The following SLC35E2B variants were observed in gnomAD, a reference collection of about 807,000 sequenced individuals.
The protein encoded by SLC35E2B is solute carrier family 35 member E2B.
Under a neutral mutation model 32.4 loss-of-function variants are expected in SLC35E2B, and 18 were observed. The observed-to-expected ratio is 0.56, with a 90% CI of 0.38 to 0.82. SLC35E2B has a LOEUF of 0.82. Among genes scored for constraint, SLC35E2B ranks in the 40% least tolerant of loss-of-function variants. The pLI, the probability that SLC35E2B is intolerant of heterozygous loss-of-function variation, is 0.00. For missense variants in SLC35E2B, 263 were observed against 469.5 expected (o/e 0.56, Z 4.06); for synonymous variants, 132 against 209.1 (o/e 0.63, Z 3.18).
At chr1:1,684,819 A>C (rs2101116083) in intron 2 of SLC35E2B, among the ~76,000 whole-genome samples, 1 of 138,776 alleles carries the variant, frequency 7.2e-6, no homozygotes, top group East Asian at 2.2e-4. Flanking sequence ...AAAAAACAGG[A>C]CAGCCAGCGG....
chr1:1,684,097 G>A (rs1389746028), intron 2 of SLC35E2B, among the ~76,000 whole-genome samples: 2 of 152,112 alleles, frequency 1.3e-5, no homozygotes, highest in Admixed American at 6.6e-5. Flanking sequence ...CCCGTGGGCC[G>A]CAGGGTAGAC....
intron 2 of SLC35E2B, among the ~76,000 whole-genome samples, chr1:1,683,066 G>C (rs918776406): frequency 2.0e-5 from 3 of 152,002 alleles, no homozygotes; most frequent in African/African-American, 7.3e-5. Context: ...GACAGAGCGA[G>C]ACTCTGTCTC....
chr1:1,675,263 G>A (rs1469967253), intron 5 of SLC35E2B, among the ~76,000 whole-genome samples, 200 bp downstream of exon 5: 6 of 150,088 alleles, frequency 4.0e-5, no homozygotes, highest in Non-Finnish European at 8.9e-5. Flanking sequence ...GCATGCCAGT[G>A]TGAGAATACC....
rs146214097 is a variant in SLC35E2B, at chr1:1,687,162, C to T, written c.-148+3814G>A. Among the ~76,000 whole-genome samples the T allele has an allele frequency of 2.7e-3, 411 of 152,292 alleles. 3 individuals are homozygous for T. Among genetic ancestry groups the T allele is most frequent in the African/African-American group, 9.1e-3 (379 of 41,548 alleles). On this transcript the variant is annotated intron_variant, in intron 2 of 9. Transcript: ENST00000617444. ...TCGGGCCCGAGCGCACAGGCTTGAACGGATGGGCGGACGGGCGACACGCAC... is the reference window on the plus strand; with the variant it reads ...TCGGGCCCGAGCGCACAGGCTTGAATGGATGGGCGGACGGGCGACACGCAC...
intron 5 of SLC35E2B, 127 bp from the exon 6 acceptor site, chr1:1,671,756 G>A: frequency 2.0e-6 from 2 of 1,025,578 alleles, no homozygotes; most frequent in Non-Finnish European, 2.7e-6. Context: ...AACAATACTT[G>A]TCAGTTTCTT....
chr1:1,677,903 G>T (rs1262486353), intron 2 of SLC35E2B, among the ~76,000 whole-genome samples: 1 of 151,708 alleles, frequency 6.6e-6, no homozygotes, highest in Non-Finnish European at 1.5e-5. Flanking sequence ...GGTCCAGTGG[G>T]AATCATCCCC....
intron 2 of SLC35E2B, among the ~76,000 whole-genome samples, chr1:1,684,357 C>T (rs1397056666): frequency 6.6e-6 from 1 of 152,186 alleles, no homozygotes; most frequent in Non-Finnish European, 1.5e-5. Flanking sequence ...CTCAGGGCAG[C>T]GTTTCTGCTG....
intron 5 of SLC35E2B, chr1:1,672,598 C>T (rs1319231923): frequency 1.3e-5 from 2 of 152,246 alleles, no homozygotes; most frequent in Non-Finnish European, 2.9e-5. Context: ...GGAGGGCTTG[C>T]TGCTGCTGTT....
intron 6 of SLC35E2B, 79 bp from the exon 7 acceptor site, chr1:1,670,230 C>G: frequency 9.3e-7 from 1 of 1,074,690 alleles, no homozygotes; most frequent in South Asian, 1.4e-5. Context: ...TCTGCGCTCA[C>G]ACGGAGCGAT....
intron 2 of SLC35E2B, among the ~76,000 whole-genome samples, chr1:1,679,030 A>G (rs1388230961): frequency 2.6e-5 from 4 of 152,080 alleles, no homozygotes; most frequent in Non-Finnish European, 5.9e-5. Context: ...TCCCCACCTC[A>G]CTAGGCCTCA....
At chr1:1,687,511 G>A (rs752401269) in intron 2 of SLC35E2B, among the ~76,000 whole-genome samples, 29 of 152,194 alleles carry the variant, frequency 1.9e-4, no homozygotes, top group Non-Finnish European at 3.2e-4. Context: ...AGGCCGAGAC[G>A]GGCAGATCAT....
At chr1:1,677,795 T>C (rs978352014) in intron 2 of SLC35E2B, among the ~76,000 whole-genome samples, 3 of 151,906 alleles carry the variant, frequency 2.0e-5, no homozygotes, top group Non-Finnish European at 2.9e-5. Context: ...AAACCACACT[T>C]ACACCCGCTT....
At chr1:1,672,015 G>C (rs7552375) in intron 5 of SLC35E2B, 16,075 of 164,172 alleles carry the variant, frequency 0.098, 2,797 homozygotes, top group African/African-American at 0.36. Flanking sequence ...TGCCCACATT[G>C]AATTTATGCT....
chr1:1,683,535 G>A (rs1317840937), intron 2 of SLC35E2B, among the ~76,000 whole-genome samples: 2 of 152,166 alleles, frequency 1.3e-5, no homozygotes, highest in East Asian at 3.8e-4. Flanking sequence ...GCCACCCCCT[G>A]CCCCCAGCAC....
intron 2 of SLC35E2B, among the ~76,000 whole-genome samples, chr1:1,681,655 C>T (rs1326389616): frequency 7.3e-5 from 11 of 151,488 alleles, no homozygotes; most frequent in East Asian, 2.0e-4. Context: ...TATAGGCATG[C>T]GCCACCAAGC....
intron 2 of SLC35E2B, among the ~76,000 whole-genome samples, chr1:1,685,083 G>C (rs534651819): frequency 6.6e-6 from 1 of 150,832 alleles, no homozygotes; most frequent in South Asian, 2.1e-4. Flanking sequence ...CTCCAGCCTG[G>C]GCAACAAGAG....
intron 2 of SLC35E2B, among the ~76,000 whole-genome samples, chr1:1,682,557 G>T (rs1402199264): frequency 6.6e-6 from 1 of 152,092 alleles, no homozygotes; most frequent in African/African-American, 2.4e-5. Flanking sequence ...TCCACCATGC[G>T]CTGTCAGCTG....
intron 2 of SLC35E2B, among the ~76,000 whole-genome samples, chr1:1,678,807 T>TGGAGC (rs1643875474): frequency 6.6e-6 from 1 of 152,168 alleles, no homozygotes; most frequent in Non-Finnish European, 1.5e-5. Context: ...GCAGCCTCCC[T>TGGAGC]GGAGCTAGGA....
chr1:1,682,123 G>T (rs546654387), intron 2 of SLC35E2B, among the ~76,000 whole-genome samples: 7 of 148,016 alleles, frequency 4.7e-5, no homozygotes, highest in African/African-American at 1.7e-4. Flanking sequence ...GCCTCCCATA[G>T]AACTGGGATT....
Sources: gnomAD v4.1 joint callset for allele counts (sites outside exome capture counted in the v4.1 genomes callset) on GRCh38, gnomAD v4.1.1 for gene constraint, MANE v1.5 for transcripts, NCBI Gene and HGNC (gene_info 2026-07-23, HGNC 2026-07-21) for gene names.